PARD3B: variants seen among roughly 807,000 people sequenced by gnomAD.
PARD3B encodes the protein partitioning defective 3 homolog B.
PARD3B carries 103 observed loss-of-function variants against 130.2 expected under a neutral mutation model. The observed-to-expected ratio is 0.79, with a 90% CI of 0.67 to 0.93. PARD3B has a LOEUF of 0.93. Ranked by LOEUF, PARD3B falls within the 40% of genes least tolerant of loss-of-function variation. PARD3B has a pLI of 0.00. For missense variants in PARD3B, 1,609 were observed against 1,499.2 expected, an observed-to-expected ratio of 1.07 and a Z score of -1.21; for synonymous variants, 583 against 553.2, an observed-to-expected ratio of 1.05 and a Z score of -0.76.
At chr2:205,420,122 C>T (rs1398902135) in intron 19 of PARD3B, among the ~76,000 whole-genome samples, 1 of 152,172 alleles carries the variant, frequency 6.6e-6, no homozygotes, top group Non-Finnish European at 1.5e-5. Context: ...AGTATCTACT[C>T]TCTGTCTAGG....
At chr2:204,609,763 G>A (rs2033857301) in intron 1 of PARD3B, among the ~76,000 whole-genome samples, 1 of 151,970 alleles carries the variant, frequency 6.6e-6, no homozygotes, top group South Asian at 2.1e-4. Flanking sequence ...GAACCTTAAA[G>A]GTGTCAGACT....
chr2:204,818,603 C>A (rs2043225570), intron 2 of PARD3B, among the ~76,000 whole-genome samples: 1 of 151,886 alleles, frequency 6.6e-6, no homozygotes, highest in South Asian at 2.1e-4. Context: ...TAAATGCAGT[C>A]ATAAAAAGAA....
intron 22 of PARD3B, among the ~76,000 whole-genome samples, chr2:205,560,920 T>G (rs3732093): frequency 6.6e-6 from 1 of 152,328 alleles, no homozygotes; most frequent in East Asian, 1.9e-4. Context: ...TGGGTACGAT[T>G]GTGTTCGTTT....
At chr2:204,553,631 G>GAT (rs1432604456) in intron 1 of PARD3B, among the ~76,000 whole-genome samples, 1 of 68,878 alleles carries the variant, frequency 1.5e-5, no homozygotes, top group Non-Finnish European at 2.8e-5. Context: ...CATATATATG[G>GAT]ATATATATTT....
chr2:205,114,149 A>G (rs1170241552), intron 6 of PARD3B, among the ~76,000 whole-genome samples: 2 of 152,156 alleles, frequency 1.3e-5, no homozygotes, highest in African/African-American at 2.4e-5. Context: ...TTTTTAATAC[A>G]TTATGTTGCT....
At chr2:205,255,265 C>T (rs888543401) in intron 16 of PARD3B, among the ~76,000 whole-genome samples, 1 of 152,150 alleles carries the variant, frequency 6.6e-6, no homozygotes, top group African/African-American at 2.4e-5. Flanking sequence ...CTTGCCTCAA[C>T]TCACACTTCT....
chr2:204,618,435 A>C (rs1428896160), intron 1 of PARD3B, among the ~76,000 whole-genome samples: 1 of 152,202 alleles, frequency 6.6e-6, no homozygotes, highest in Non-Finnish European at 1.5e-5. Flanking sequence ...GATTTAGGTC[A>C]ATGAGTTAAT....
chr2:205,411,791 G>C (rs1373794323), intron 19 of PARD3B, among the ~76,000 whole-genome samples: 3 of 152,038 alleles, frequency 2.0e-5, no homozygotes, highest in African/African-American at 7.2e-5. Context: ...GTTGGAAGTT[G>C]CTCCTCAAGC....
chr2:204,925,551 A>G (rs1687542703), intron 2 of PARD3B, among the ~76,000 whole-genome samples: 1 of 143,644 alleles, frequency 7.0e-6, no homozygotes, highest in African/African-American at 2.5e-5. Context: ...TGAGAATTTA[A>G]AAATGAACAG....
intron 18 of PARD3B, among the ~76,000 whole-genome samples, chr2:205,305,057 G>A (rs1320621331): frequency 2.6e-5 from 4 of 152,148 alleles, no homozygotes; most frequent in African/African-American, 7.2e-5. Flanking sequence ...GAATAGAAGG[G>A]CATTTGAGTG....
At chr2:205,445,246 C>T (rs1307377290) in intron 20 of PARD3B, among the ~76,000 whole-genome samples, 2 of 152,186 alleles carry the variant, frequency 1.3e-5, no homozygotes, top group East Asian at 1.9e-4. Flanking sequence ...CTTTTCCCTA[C>T]CCCACACTAT....
At chr2:205,189,874 G>C (rs1486807469) in intron 14 of PARD3B, among the ~76,000 whole-genome samples, 1 of 149,360 alleles carries the variant, frequency 6.7e-6, no homozygotes, top group African/African-American at 2.5e-5. Flanking sequence ...CAAAGGGGGG[G>C]CCCTTTTATG....
chr2:205,259,869 A>G (rs1214738496), intron 16 of PARD3B, among the ~76,000 whole-genome samples: 1 of 152,166 alleles, frequency 6.6e-6, no homozygotes, highest in African/African-American at 2.4e-5. Flanking sequence ...CATATACATA[A>G]TGAGATATTT....
intron 3 of PARD3B, among the ~76,000 whole-genome samples, chr2:205,026,494 TTCA>T (rs1228215883): frequency 6.6e-6 from 1 of 152,228 alleles, no homozygotes; most frequent in African/African-American, 2.4e-5. Flanking sequence ...AATCAACACA[TTCA>T]TCATCATCCT....
intron 19 of PARD3B, among the ~76,000 whole-genome samples, chr2:205,411,365 T>C (rs532862336): frequency 6.6e-6 from 1 of 152,134 alleles, no homozygotes; most frequent in Non-Finnish European, 1.5e-5. Flanking sequence ...GACCAACTAA[T>C]GTAGGTGATG....
chr2:204,870,479 G>A (rs1302867717), intron 2 of PARD3B, among the ~76,000 whole-genome samples: 1 of 152,086 alleles, frequency 6.6e-6, no homozygotes, highest in South Asian at 2.1e-4. Flanking sequence ...TAATACTCTT[G>A]ACAAGCCAGG....
intron 1 of PARD3B, among the ~76,000 whole-genome samples, chr2:204,591,084 G>A (rs1233844606): frequency 1.3e-5 from 2 of 152,142 alleles, no homozygotes; most frequent in African/African-American, 4.8e-5. Flanking sequence ...GTATTAAAAT[G>A]AATGTTGCAA....
intron 1 of PARD3B, among the ~76,000 whole-genome samples, chr2:204,562,880 T>C (rs2031409626): frequency 1.3e-5 from 2 of 152,136 alleles, no homozygotes; most frequent in Admixed American, 6.5e-5. Context: ...GATTTTTCTC[T>C]CTCTTGTTTC....
At chr2:205,294,843 A>T (rs1262373456) in intron 16 of PARD3B, among the ~76,000 whole-genome samples, 1 of 152,196 alleles carries the variant, frequency 6.6e-6, no homozygotes, top group East Asian at 1.9e-4. Context: ...AAATTGCATT[A>T]TGCCCTATGG....
Sources: allele counts gnomAD v4.1 joint callset (sites outside exome capture counted in the v4.1 genomes callset), GRCh38; gene constraint gnomAD v4.1.1; transcripts MANE v1.5; gene names NCBI Gene and HGNC (gene_info 2026-07-23, HGNC 2026-07-21).